Variants in ROBO2 observed in about 807,000 individuals in gnomAD.
ROBO2 encodes roundabout homolog 2.
A neutral mutation model predicts 160.8 loss-of-function variants in ROBO2; 53 were observed. The ratio of observed to expected loss-of-function variants is 0.33; its 90% CI spans 0.26 to 0.41. ROBO2 has a LOEUF of 0.41. ROBO2 is among the 10% of genes least tolerant of loss of function. The pLI, the probability that ROBO2 is intolerant of heterozygous loss-of-function variation, is 1.00. For missense variants in ROBO2, 1,577 were observed against 1,722.4 expected (o/e 0.92, Z 1.49); for synonymous variants, 664 against 611.7 (o/e 1.09, Z -1.26).
At chr3:76,463,317 A>G (rs1369597613) in intron 2 of ROBO2, among the ~76,000 whole-genome samples, 1 of 152,010 alleles carries the variant, frequency 6.6e-6, no homozygotes, top group Non-Finnish European at 1.5e-5. Flanking sequence ...GTCGATTTCA[A>G]CCCTTAAAGA....
At chr3:76,412,226 C>G (rs2075524351) in intron 2 of ROBO2, among the ~76,000 whole-genome samples, 1 of 151,890 alleles carries the variant, frequency 6.6e-6, no homozygotes, top group African/African-American at 2.4e-5. Context: ...CATTTACCTC[C>G]CCCTGGGTCC....
At chr3:76,895,872 C>G (rs1194402971) in intron 2 of ROBO2, among the ~76,000 whole-genome samples, 1 of 152,102 alleles carries the variant, frequency 6.6e-6, no homozygotes, top group Non-Finnish European at 1.5e-5. Flanking sequence ...CTTTGTATTT[C>G]TCACTTTGCA....
At chr3:76,685,319 C>T (rs1013825531) in intron 2 of ROBO2, among the ~76,000 whole-genome samples, 2 of 151,424 alleles carry the variant, frequency 1.3e-5, no homozygotes, top group African/African-American at 4.9e-5. Flanking sequence ...TACGGGATAT[C>T]CTGTTCTTTA....
intron 2 of ROBO2, among the ~76,000 whole-genome samples, chr3:76,451,927 A>T (rs1392714283): frequency 6.6e-6 from 1 of 152,136 alleles, no homozygotes; most frequent in East Asian, 1.9e-4. Flanking sequence ...TTGAAAACTC[A>T]TATCTACCAA....
intron 1 of ROBO2, among the ~76,000 whole-genome samples, chr3:75,917,281 A>G (rs1403435521): frequency 6.6e-6 from 1 of 152,042 alleles, no homozygotes; most frequent in Non-Finnish European, 1.5e-5. Flanking sequence ...GAGTGAGAAC[A>G]CACAGTGTTT....
intron 2 of ROBO2, among the ~76,000 whole-genome samples, chr3:76,828,081 A>G (rs1146016): frequency 0.12 from 19,009 of 152,196 alleles, 1,297 homozygotes; most frequent in East Asian, 0.21. Context: ...AAGTTATGTC[A>G]TTAGACATGG....
chr3:76,835,223 T>C lies in ROBO2; in HGVS notation c.110-262791T>C, dbSNP rs558914532. 4.0e-5 allele frequency among the ~76,000 whole-genome samples: 6 copies of C among 151,674 alleles called. No homozygotes were observed. The East Asian group carries it at 7.8e-4, about 20-fold the overall frequency. On this transcript the variant is annotated intron_variant, in intron 2 of 26. Transcript: ENST00000487694. ...AATTGGGAATTTTTATCGTGAAAAA[T>C]CTACGACTTGAAAAGTTGCTTTTTA...
At chr3:76,801,185 T>C (rs2064170703) in intron 2 of ROBO2, among the ~76,000 whole-genome samples, 1 of 152,200 alleles carries the variant, frequency 6.6e-6, no homozygotes. Context: ...CACTTATAAC[T>C]GTAGGAGCTA....
At chr3:77,375,964 A>T (rs1171279408) in intron 2 of ROBO2, among the ~76,000 whole-genome samples, 1 of 150,570 alleles carries the variant, frequency 6.6e-6, no homozygotes, top group African/African-American at 2.5e-5. Flanking sequence ...TCAGACCAAG[A>T]GATCCCTTTC....
chr3:77,510,383 A>G (rs1327936872), intron 5 of ROBO2, among the ~76,000 whole-genome samples: 1 of 152,056 alleles, frequency 6.6e-6, no homozygotes. Context: ...GAAGAGGTTC[A>G]GTCTGTGAAC....
At chr3:77,540,680 C>T (rs2092421292) in intron 6 of ROBO2, among the ~76,000 whole-genome samples, 1 of 152,198 alleles carries the variant, frequency 6.6e-6, no homozygotes, top group Non-Finnish European at 1.5e-5. Context: ...TCATGGCACA[C>T]ATTTACCTAT....
intron 2 of ROBO2, among the ~76,000 whole-genome samples, chr3:76,630,399 C>G (rs2089958981): frequency 6.6e-6 from 1 of 152,172 alleles, no homozygotes; most frequent in Non-Finnish European, 1.5e-5. Flanking sequence ...CTTGTATTTG[C>G]TAATCTCTCT....
At chr3:76,698,889 T>G (rs1424743128) in intron 2 of ROBO2, among the ~76,000 whole-genome samples, 3 of 152,190 alleles carry the variant, frequency 2.0e-5, no homozygotes, top group Non-Finnish European at 4.4e-5. Flanking sequence ...AAAATGGAAT[T>G]TACTCTAGGT....
intron 2 of ROBO2, among the ~76,000 whole-genome samples, chr3:76,327,783 A>G (rs2073144872): frequency 6.6e-6 from 1 of 152,204 alleles, no homozygotes; most frequent in Non-Finnish European, 1.5e-5. Flanking sequence ...TTTTGTGAGG[A>G]AACAGTCTGG....
intron 2 of ROBO2, among the ~76,000 whole-genome samples, chr3:76,442,798 T>G (rs2076985551): frequency 6.6e-6 from 1 of 152,156 alleles, no homozygotes; most frequent in Admixed American, 6.6e-5. Flanking sequence ...TTGCAGAATC[T>G]CAGTGTTTGC....
At chr3:77,519,141 G>A (rs937311796) in intron 5 of ROBO2, among the ~76,000 whole-genome samples, 1 of 151,146 alleles carries the variant, frequency 6.6e-6, no homozygotes, top group South Asian at 2.1e-4. Flanking sequence ...TTTTCACAAG[G>A]AAGGTAATAT....
At chr3:76,172,976 TAA>T (rs914857510) in intron 2 of ROBO2, among the ~76,000 whole-genome samples, 1 of 151,822 alleles carries the variant, frequency 6.6e-6, no homozygotes, top group African/African-American at 2.4e-5. Flanking sequence ...TGGACCTCAG[TAA>T]AAAAAGTCAC....
intron 2 of ROBO2, among the ~76,000 whole-genome samples, chr3:77,430,044 G>A (rs760634942): frequency 6.6e-6 from 1 of 152,142 alleles, no homozygotes; most frequent in Non-Finnish European, 1.5e-5. Context: ...TAGAAACATG[G>A]CACAGGCACT....
chr3:77,164,512 GC>G (rs1440330699), intron 2 of ROBO2, among the ~76,000 whole-genome samples: 1 of 143,070 alleles, frequency 7.0e-6, no homozygotes, highest in East Asian at 2.1e-4. Flanking sequence ...CGCCCGGCCA[GC>G]CGTGCTGTCC....
Sources: gnomAD v4.1 joint callset for allele counts (sites outside exome capture counted in the v4.1 genomes callset) on GRCh38, gnomAD v4.1.1 for gene constraint, MANE v1.5 for transcripts, NCBI Gene and HGNC (gene_info 2026-07-23, HGNC 2026-07-21) for gene names.